The following SLC24A2 variants were observed in gnomAD, a reference collection of about 807,000 sequenced individuals.
The protein encoded by SLC24A2 is sodium/potassium/calcium exchanger 2.
SLC24A2 carries 36 observed loss-of-function variants against 62.0 expected under a neutral mutation model. The observed-to-expected ratio is 0.58, with a 90% CI of 0.44 to 0.77. The LOEUF (loss-of-function observed/expected upper bound fraction) is 0.77. SLC24A2 is among the 30% of genes least tolerant of loss of function. The pLI, the probability that SLC24A2 is intolerant of heterozygous loss-of-function variation, is 0.00. For missense variants in SLC24A2, 846 were observed against 817.9 expected (o/e 1.03, Z -0.42); for synonymous variants, 358 against 294.0 (o/e 1.22, Z -2.23).
In SLC24A2 at chr9:19,751,780, T is replaced by C. The variant is rs191290910; in HGVS notation, c.930+34157A>G. 1.9e-4 allele frequency among the ~76,000 whole-genome samples: 29 copies of C among 152,258 alleles called. 1 individual carries two copies. The highest frequency in any genetic ancestry group is 6.3e-4 in the African/African-American group (26 of 41,550). ...ACGGATAGGACCATGGCTCTTTCTTTAGCAAATATGTGTCTGGAGGATCAG... is the reference window on the plus strand; with the variant it reads ...ACGGATAGGACCATGGCTCTTTCTTCAGCAAATATGTGTCTGGAGGATCAG... On this transcript the variant is annotated intron_variant, in intron 2 of 10. Coordinates refer to ENST00000341998, the MANE Select transcript of SLC24A2 (RefSeq NM_020344.4).
At chr9:20,175,222 G>T in the SLC24A2 span, among the ~76,000 whole-genome samples, 12 of 151,906 alleles carry the variant, frequency 7.9e-5, no homozygotes, top group African/African-American at 2.9e-4. Context: ...AATGGATTTT[G>T]GGGACTCAGG....
chr9:19,579,440 A>C (rs931720129), intron 5 of SLC24A2, among the ~76,000 whole-genome samples: 2 of 152,138 alleles, frequency 1.3e-5, no homozygotes, highest in African/African-American at 4.8e-5. Flanking sequence ...CAATTCCAAA[A>C]AGTCCCAAAT....
At chr9:19,577,547 T>C (rs1836057034) in intron 5 of SLC24A2, among the ~76,000 whole-genome samples, 1 of 152,226 alleles carries the variant, frequency 6.6e-6, no homozygotes, top group East Asian at 1.9e-4. Flanking sequence ...ACCTGTCTTA[T>C]AATTAACATT....
intron 4 of SLC24A2, among the ~76,000 whole-genome samples, chr9:19,610,915 G>C (rs1367240876): frequency 2.0e-5 from 3 of 152,252 alleles, no homozygotes; most frequent in Admixed American, 6.5e-5. Flanking sequence ...ACTAGGGATA[G>C]AGCCAAGCCT....
chr9:20,148,743 T>C, the SLC24A2 span, among the ~76,000 whole-genome samples: 3 of 152,060 alleles, frequency 2.0e-5, no homozygotes, highest in Non-Finnish European at 4.4e-5. Context: ...ATAGCACTTG[T>C]CCCTGGACCA....
the SLC24A2 span, among the ~76,000 whole-genome samples, chr9:20,145,825 T>C: frequency 6.6e-6 from 1 of 152,002 alleles, no homozygotes; most frequent in African/African-American, 2.4e-5. Context: ...CATATACAAA[T>C]AGCCATACAT....
chr9:20,145,267 G>C, the SLC24A2 span, among the ~76,000 whole-genome samples: 2 of 151,986 alleles, frequency 1.3e-5, no homozygotes, highest in East Asian at 3.9e-4. Context: ...AAGTGGGCTC[G>C]TTGCTCTATG....
chr9:20,255,776 G>A, the SLC24A2 span, among the ~76,000 whole-genome samples: 2 of 152,166 alleles, frequency 1.3e-5, no homozygotes, highest in Non-Finnish European at 2.9e-5. Flanking sequence ...ACACATTCAG[G>A]TTAAAAGGAA....
chr9:19,744,884 C>A (rs975465117), intron 2 of SLC24A2, among the ~76,000 whole-genome samples: 1 of 152,122 alleles, frequency 6.6e-6, no homozygotes, highest in African/African-American at 2.4e-5. Context: ...ACGGTTCTCT[C>A]CTTATCCAAC....
chr9:19,590,841 T>C (rs547832087), intron 5 of SLC24A2, among the ~76,000 whole-genome samples: 4 of 152,194 alleles, frequency 2.6e-5, no homozygotes, highest in East Asian at 1.9e-4. Context: ...AACCCCCAAT[T>C]TGAAGCATCC....
chr9:19,816,592 A>T, the SLC24A2 span, among the ~76,000 whole-genome samples: 1 of 152,174 alleles, frequency 6.6e-6, no homozygotes, highest in Admixed American at 6.6e-5. Flanking sequence ...TAATTGGCTC[A>T]TAGTTCTGCA....
chr9:19,794,670 G>A, the SLC24A2 span, among the ~76,000 whole-genome samples: 1 of 151,870 alleles, frequency 6.6e-6, no homozygotes, highest in Non-Finnish European at 1.5e-5. Flanking sequence ...AAGAGACTTG[G>A]AGTCTCAACC....
At chr9:19,776,236 C>T (rs1158518415) in intron 2 of SLC24A2, among the ~76,000 whole-genome samples, 2 of 152,074 alleles carry the variant, frequency 1.3e-5, no homozygotes, top group Non-Finnish European at 2.9e-5. Flanking sequence ...TTTTAAGTGC[C>T]CAGTGAGAAG....
intron 4 of SLC24A2, among the ~76,000 whole-genome samples, chr9:19,597,515 T>C (rs1481666766): frequency 1.3e-5 from 2 of 152,178 alleles, no homozygotes; most frequent in Admixed American, 1.3e-4. Context: ...CATTACAGAA[T>C]AGGGCACAGT....
chr9:20,200,844 C>T, the SLC24A2 span, among the ~76,000 whole-genome samples: 4,735 of 152,114 alleles, frequency 0.031, 246 homozygotes, highest in African/African-American at 0.11. Flanking sequence ...GCTTTTGGAC[C>T]GTAGTGTTAT....
chr9:20,168,359 G>A, the SLC24A2 span, among the ~76,000 whole-genome samples: 17 of 151,656 alleles, frequency 1.1e-4, no homozygotes, highest in African/African-American at 2.4e-4. Flanking sequence ...AACAGGTAAC[G>A]AAATAAAAAA....
chr9:19,694,409 G>A (rs987491450), intron 2 of SLC24A2, among the ~76,000 whole-genome samples: 4 of 151,978 alleles, frequency 2.6e-5, no homozygotes, highest in Admixed American at 1.3e-4. Context: ...TTTGTTAACC[G>A]GAGAAGAGGA....
chr9:19,888,301 C>A, the SLC24A2 span, among the ~76,000 whole-genome samples: 1 of 152,120 alleles, frequency 6.6e-6, no homozygotes, highest in Non-Finnish European at 1.5e-5. Flanking sequence ...CTTGAACGAT[C>A]TTCTCATAAC....
the SLC24A2 span, among the ~76,000 whole-genome samples, chr9:20,148,042 G>A: frequency 2.0e-5 from 3 of 152,172 alleles, no homozygotes; most frequent in Middle Eastern, 6.8e-3. Flanking sequence ...TCTAGAGTCA[G>A]ATGGGTACTA....
Sources: allele counts gnomAD v4.1 joint callset (sites outside exome capture counted in the v4.1 genomes callset), GRCh38; gene constraint gnomAD v4.1.1; transcripts MANE v1.5; gene names NCBI Gene and HGNC (gene_info 2026-07-23, HGNC 2026-07-21).